Variants in MTFR1 observed in about 807,000 individuals in gnomAD.
The protein encoded by MTFR1 is mitochondrial fission regulator 1.
A neutral mutation model predicts 38.8 loss-of-function variants in MTFR1; 28 were observed. That is an observed-to-expected ratio of 0.72 (90% CI 0.53 to 0.99). The LOEUF (loss-of-function observed/expected upper bound fraction) is 0.99, where lower values mean the gene tolerates loss of function less well. MTFR1 is among the 50% of genes least tolerant of loss of function. The pLI is 0.00. For synonymous variants in MTFR1, 145 were observed against 137.0 expected (o/e 1.06, Z -0.41); for missense variants, 358 against 395.5 (o/e 0.91, Z 0.81).
chr8:65,669,556 G>T (rs977061025), intron 1 of MTFR1, among the ~76,000 whole-genome samples: 6 of 144,468 alleles, frequency 4.2e-5, no homozygotes, highest in African/African-American at 1.3e-4. Context: ...ACACATGAAG[G>T]TTTTTTTTTT....
chr8:65,689,735 G>T, intron 3 of MTFR1: 1 of 369,374 alleles, frequency 2.7e-6, no homozygotes, highest in Non-Finnish European at 4.1e-6. Context: ...GCATTGTCCT[G>T]GAAATTGTCC....
At chr8:65,736,691 A>T (rs1174118125) in intron 3 of MTFR1, among the ~76,000 whole-genome samples, 1 of 151,720 alleles carries the variant, frequency 6.6e-6, no homozygotes, top group Non-Finnish European at 1.5e-5. Context: ...TTGAGGGTGC[A>T]GTGAGCCATG....
chr8:65,706,115 G>T (rs184984319), intron 5 of MTFR1, among the ~76,000 whole-genome samples: 1 of 152,156 alleles, frequency 6.6e-6, no homozygotes, highest in Non-Finnish European at 1.5e-5. Context: ...AGGTGGGTGG[G>T]GGTGGAGGCA....
intron 3 of MTFR1, among the ~76,000 whole-genome samples, chr8:65,733,496 C>T (rs1359174514): frequency 6.6e-6 from 1 of 152,014 alleles, no homozygotes; most frequent in Non-Finnish European, 1.5e-5. Context: ...GAGTGAGACC[C>T]TGTCTCTACA....
rs796400449 is a variant in MTFR1 at position 65,709,993 on chromosome 8, T to C, written c.*949T>C. 9.2e-5 allele frequency: 14 copies of C among 152,544 alleles called. No individual in the cohort carries two copies. Among genetic ancestry groups the C allele is most frequent in the African/African-American group, 3.4e-4 (14 of 41,588 alleles). The allele number at this position is 152,544 out of a possible 1,614,324, so 9.4% of individuals were successfully genotyped here. On this transcript the variant is annotated 3_prime_UTR_variant, in exon 8 of 8. Transcript: ENST00000262146. ...TTGGTCAGAATGCTGTTTTGTTTAA[T>C]AATATTACGCAACATAAACCATAGG...
At position 65,682,340 on chromosome 8, in the gene MTFR1, C is replaced by A; in HGVS notation, c.67-13C>A. ...TCTTGTAATTAAGCTTTCGGTTTTT[C>A]CTACTTCCTCAGGTACTTTGGTCTA... On this transcript the variant is annotated splice_polypyrimidine_tract_variant and intron_variant, in intron 2 of 7. Coordinates refer to ENST00000262146, the MANE Select transcript of MTFR1 (RefSeq NM_014637.4). The A allele has an allele frequency of 6.8e-7, 1 of 1,463,740 alleles. No homozygotes were observed. The highest frequency in any genetic ancestry group is 9.3e-7 in the Non-Finnish European group (1 of 1,079,356). The allele number at this position is 1,463,740 out of a possible 1,614,324, so 90.7% of individuals were successfully genotyped here. A position where few individuals can be genotyped will look rare whatever the true frequency, so the allele number is the denominator to read the frequency against.
At chr8:65,776,443 A>AT in the MTFR1 span, among the ~76,000 whole-genome samples, 6 of 152,192 alleles carry the variant, frequency 3.9e-5, no homozygotes, top group South Asian at 1.0e-3. Flanking sequence ...TGGAGCTGGG[A>AT]TTTTTTCACT....
chr8:65,645,717 T>TG (rs1412168215), intron 1 of MTFR1, among the ~76,000 whole-genome samples: 25 of 117,134 alleles, frequency 2.1e-4, no homozygotes, highest in Admixed American at 8.6e-4. Flanking sequence ...TTTGTAGAGA[T>TG]GGGGTCTCCT....
intron 3 of MTFR1, among the ~76,000 whole-genome samples, chr8:65,754,601 G>A (rs2128910352): frequency 6.6e-6 from 1 of 151,284 alleles, no homozygotes; most frequent in East Asian, 2.0e-4. Context: ...CTCCCAAAGT[G>A]CTGGGATTAC....
chr8:65,776,518 G>T, the MTFR1 span, among the ~76,000 whole-genome samples: 2 of 151,974 alleles, frequency 1.3e-5, no homozygotes, highest in African/African-American at 4.8e-5. Flanking sequence ...TTTAAATACT[G>T]AATCCTCCAA....
intron 1 of MTFR1, among the ~76,000 whole-genome samples, chr8:65,650,063 T>A (rs1318846370): frequency 1.3e-5 from 2 of 151,656 alleles, no homozygotes; most frequent in Non-Finnish European, 2.9e-5. Context: ...GGTCTCGAAC[T>A]CCCGACCTCA....
In MTFR1 at chr8:65,658,706, T is replaced by A. The variant is rs943009891; in HGVS notation, c.-80-11167T>A. On this transcript the variant is annotated intron_variant, in intron 1 of 7. Coordinates refer to ENST00000262146, the MANE Select transcript of MTFR1 (RefSeq NM_014637.4). ...ATTCTTAGCAATTTTTTTAAAAACC[T>A]TATTTATTTTGAAGTGTAACACAGA... 5.3e-5 allele frequency among the ~76,000 whole-genome samples: 8 copies of A among 152,290 alleles called. No individual in the cohort carries two copies. In the East Asian group the frequency reaches 1.2e-3, roughly 22 times the overall value.
intron 7 of MTFR1, chr8:65,708,470 G>A (rs1805850702): frequency 3.4e-6 from 1 of 290,160 alleles, no homozygotes; most frequent in Non-Finnish European, 6.7e-6. Flanking sequence ...TTCTGAAGAG[G>A]GTGACATTTG....
At chr8:65,659,325 A>C (rs887557499) in intron 1 of MTFR1, among the ~76,000 whole-genome samples, 2 of 152,188 alleles carry the variant, frequency 1.3e-5, no homozygotes, top group African/African-American at 4.8e-5. Context: ...GCACTCAGGC[A>C]AAAGTTTTCT....
chr8:65,669,916 A>T lies in MTFR1; in HGVS notation c.-37A>T. Reference sequence around the variant, plus strand: ...TGCTGCTATGTATGCCTGAAGAAGTACTTGAAATGCAAATTTGGGGAGACT... The same window carrying T: ...TGCTGCTATGTATGCCTGAAGAAGTTCTTGAAATGCAAATTTGGGGAGACT... On this transcript the variant is annotated 5_prime_UTR_variant, in exon 2 of 8. Coordinates refer to ENST00000262146, the MANE Select transcript of MTFR1 (RefSeq NM_014637.4). 6.4e-7 allele frequency: 1 copy of T among 1,571,760 alleles called. No homozygotes were observed. Among genetic ancestry groups the T allele is most frequent in the Non-Finnish European group, 8.7e-7 (1 of 1,150,548 alleles).
At chr8:65,655,953 T>TATATATATATATAC (rs1809246874) in intron 1 of MTFR1, among the ~76,000 whole-genome samples, 1 of 37,128 alleles carries the variant, frequency 2.7e-5, no homozygotes, top group African/African-American at 1.5e-4. Flanking sequence ...AAAAAAAAAA[T>TATATATATATATAC]ATATATATAT....
chr8:65,683,875 C>T (rs572459477), intron 3 of MTFR1, among the ~76,000 whole-genome samples: 5 of 152,150 alleles, frequency 3.3e-5, no homozygotes, highest in Non-Finnish European at 7.4e-5. Context: ...GGTAGTAAGT[C>T]TCTCAAGTAC....
chr8:65,750,492 GTGTGTGTGTGTC>G lies in MTFR1; in HGVS notation c.*49-20445_*49-20434del, dbSNP rs754692082. Among the ~76,000 whole-genome samples the G allele has an allele frequency of 4.1e-3, 554 of 135,336 alleles. 3 individuals carry two copies. Among genetic ancestry groups the G allele is most frequent in the Middle Eastern group, 0.017 (5 of 290 alleles). 88.8% of individuals were successfully genotyped at this position (135,336 alleles called of 152,430 possible). A position where few individuals can be genotyped will look rare whatever the true frequency, so the allele number is the denominator to read the frequency against. On this transcript the variant is annotated intron_variant, in intron 3 of 3. Coordinates refer to the MTFR1 transcript ENST00000521247. ...AGAATCACTGTGTGTGTGTGTGTGT[GTGTGTGTGTGTC>G]TGTGTGTGTCTGTGTGTGTGTGAGA...
intron 3 of MTFR1, chr8:65,739,493 A>G: frequency 6.5e-7 from 1 of 1,548,616 alleles, no homozygotes; most frequent in Non-Finnish European, 8.7e-7. Context: ...ATGGGTTAGA[A>G]TCACTTACCT....
Sources: allele counts gnomAD v4.1 joint callset (sites outside exome capture counted in the v4.1 genomes callset), GRCh38; gene constraint gnomAD v4.1.1; transcripts MANE v1.5; gene names NCBI Gene and HGNC (gene_info 2026-07-23, HGNC 2026-07-21).